ASB6: variants seen among roughly 807,000 people sequenced by gnomAD.
The protein encoded by ASB6 is ankyrin repeat and SOCS box containing 6.
Under a neutral mutation model 28.6 loss-of-function variants are expected in ASB6, and 24 were observed. The ratio of observed to expected loss-of-function variants is 0.84; its 90% CI spans 0.61 to 1.18. ASB6 has a LOEUF of 1.18. ASB6 is among the 50% of genes most tolerant of loss of function. The probability of loss-of-function intolerance (pLI) is 0.00; values close to 1 mark genes in which losing one functional copy is unlikely to be tolerated. For missense variants in ASB6, 519 were observed against 559.8 expected (o/e 0.93, Z 0.74); for synonymous variants, 267 against 243.4 (o/e 1.10, Z -0.90).
intron 2 of ASB6, 78 bp from the exon 3 acceptor site, chr9:129,639,586 C>T: frequency 7.8e-7 from 1 of 1,279,418 alleles, no homozygotes; most frequent in East Asian, 2.5e-5. Flanking sequence ...AGCCCAGCCC[C>T]AAACTCCCAC....
rs148491892 is a variant in ASB6, at chr9:129,635,334, G to A, written c.*2456C>T. The A allele has an allele frequency of 6.2e-7, 1 of 1,613,746 alleles. No individual in the cohort carries two copies. The highest frequency in any genetic ancestry group is 8.5e-7 in the Non-Finnish European group (1 of 1,180,054). On this transcript the variant is annotated 3_prime_UTR_variant, in exon 6 of 6. Coordinates refer to ENST00000277458, the MANE Select transcript of ASB6 (RefSeq NM_017873.4). ...GGCGTGATTCTGGACGACGTGGACA[G>A]CAGCGTGTGCCGGGACCTTGACGTG...
Position 129,634,762 on chromosome 9 carries a change from G to A in ASB6, c.*3028C>T. The stretch of plus-strand genomic sequence containing the variant: ...AGCAGTCGGCCACCTCCTGAGGCGG[G>A]CAGCACAGGCCTGCTGTGGACACTC... On this transcript the variant is annotated 3_prime_UTR_variant, in exon 6 of 6. Coordinates refer to ENST00000277458, the MANE Select transcript of ASB6 (RefSeq NM_017873.4). 1 of 224,552 alleles carries A rather than the reference G, an allele frequency of 4.5e-6. No individual in the cohort carries two copies. The highest frequency in any genetic ancestry group is 8.8e-6 in the Non-Finnish European group (1 of 113,212). 13.9% of individuals were successfully genotyped at this position (224,552 alleles called of 1,614,324 possible). A position where few individuals can be genotyped will look rare whatever the true frequency, so the allele number is the denominator to read the frequency against.
chr9:129,641,583 C>T (rs1296182232), intron 1 of ASB6, among the ~76,000 whole-genome samples: 1 of 152,264 alleles, frequency 6.6e-6, no homozygotes. Flanking sequence ...TTCCACCCTG[C>T]TCCTCTGCCA....
rs774025859 is a variant in ASB6, at chr9:129,641,928, G to A, written c.72C>T (p.Ser24=). 1.2e-6 allele frequency: 2 copies of A among 1,601,832 alleles called. No homozygotes were observed. The highest frequency in any genetic ancestry group is 1.7e-6 in the Non-Finnish European group (2 of 1,175,450). Residue 24 remains serine, a synonymous_variant, in exon 1 of 6, where the codon TCC becomes TCT. Coordinates refer to ENST00000277458, the MANE Select transcript of ASB6 (RefSeq NM_017873.4). ...YQPLVDAILG[S]LGIQDPERQE... ...GCCGCTCGGGGTCCTGGATCCCCAGGGAGCCCAGAATCGCATCCACCAGCG... is the reference window on the plus strand; with the variant it reads ...GCCGCTCGGGGTCCTGGATCCCCAGAGAGCCCAGAATCGCATCCACCAGCG...
In ASB6 at chr9:129,642,057, G is replaced by A. The variant is rs1196252359; in HGVS notation, c.-58C>T. On this transcript the variant is annotated 5_prime_UTR_variant, in exon 1 of 6. Transcript: ENST00000277458. This position sits in a 1 kb window ranked among gnomAD's most constrained non-coding sequence, Gnocchi z 4.3. ...CTTTCTGCCGAGGCCGAGATGCCCA[G>A]ACGCCGACCGGAACGCTCCGGCGGC... The A allele has an allele frequency of 4.0e-6, 6 of 1,510,858 alleles. No homozygotes were observed. The highest frequency in any genetic ancestry group is 2.1e-5 in the Admixed American group (1 of 48,362). 93.6% of individuals were successfully genotyped at this position (1,510,858 alleles called of 1,614,324 possible). A position where few individuals can be genotyped will look rare whatever the true frequency, so the allele number is the denominator to read the frequency against.
intron 1 of ASB6, 80 bp from the exon 2 acceptor site, chr9:129,640,802 T>C (rs1831677868): frequency 1.4e-5 from 22 of 1,526,166 alleles, no homozygotes; most frequent in South Asian, 1.2e-4. Context: ...TGGGCTTTAG[T>C]CCTGCTATCA....
rs1255223792 is a variant in ASB6, at chr9:129,639,286, G to A, written c.427C>T (p.Leu143=). Residue 143 remains leucine (L), a synonymous_variant, in exon 4 of 6, where the codon CTG becomes TTG. Transcript: ENST00000277458. The stretch of plus-strand genomic sequence containing the variant: ...AGGCGCTCAGGCTCCTCGCTGGCCA[G>A]GTCCAAGGGGCTACTCTCGTGGATC... ...DRIHESSPLD[L]ASEEPERLPC... 6.2e-7 allele frequency: 1 copy of A among 1,612,926 alleles called. No individual in the cohort carries two copies. Among genetic ancestry groups the A allele is most frequent in the Non-Finnish European group, 8.5e-7 (1 of 1,179,368 alleles).
chr9:129,635,469 G>A lies in ASB6; in HGVS notation c.*2321C>T, dbSNP rs761847792. On this transcript the variant is annotated 3_prime_UTR_variant, in exon 6 of 6. Transcript: ENST00000277458. ...TATAGCTTTGCCCTGAGATGAGCCG[G>A]GGCTGGCAGGAGAAACTGAGGAACC... 1.2e-6 allele frequency: 2 copies of A among 1,601,942 alleles called. No homozygotes were observed. The highest frequency in any genetic ancestry group is 4.5e-5 in the East Asian group (2 of 44,562).
rs756379197 is a variant in ASB6, at chr9:129,638,526, C to A, written c.598+47G>T. ...ACCCTGGCAAAGCAACAGCACACAT[C>A]GAAGGGGCGGGTGAGAGGACGAGGC... On this transcript the variant is annotated intron_variant, in intron 5 of 5. Coordinates refer to ENST00000277458, the MANE Select transcript of ASB6 (RefSeq NM_017873.4). 4.3e-6 allele frequency: 7 copies of A among 1,611,258 alleles called. No individual in the cohort carries two copies. The East Asian group carries it at 1.6e-4, about 36-fold the overall frequency.
intron 2 of ASB6, among the ~76,000 whole-genome samples, 195 bp from the exon 3 acceptor site, chr9:129,639,703 G>A (rs780724842): frequency 2.6e-5 from 4 of 152,218 alleles, no homozygotes; most frequent in East Asian, 1.9e-4. Flanking sequence ...TAGTGGGCAC[G>A]CTACTGAAGC....
chr9:129,641,140 G>A, intron 1 of ASB6: 1 of 204,662 alleles, frequency 4.9e-6, no homozygotes, highest in Non-Finnish European at 9.9e-6. Context: ...CTGCAGCCAG[G>A]ACAGCAACAC....
At position 129,635,537 on chromosome 9, in the gene ASB6, C is replaced by A. The variant is rs78602607; in HGVS notation, c.*2253G>T. 2 of 1,525,550 alleles carry A rather than the reference C, an allele frequency of 1.3e-6. No homozygotes were observed. The highest frequency in any genetic ancestry group is 1.2e-5 in the South Asian group (1 of 81,208). The allele number at this position is 1,525,550 out of a possible 1,614,324, so 94.5% of individuals were successfully genotyped here. ...AGCTGGCAGCTGGGCAAGATCCAGG[C>A]GCCACGCTGGCGGTTCGTGAGTGTC... On this transcript the variant is annotated 3_prime_UTR_variant, in exon 6 of 6. Transcript: ENST00000277458.
chr9:129,642,023 G>A lies in ASB6; in HGVS notation c.-24C>T. On this transcript the variant is annotated 5_prime_UTR_variant, in exon 1 of 6. Transcript: ENST00000277458. This position sits in a 1 kb window ranked among gnomAD's most constrained non-coding sequence, Gnocchi z 4.3. Reference sequence around the variant, plus strand: ...ATCGCCGCGGGCCCCGCGCAGCAGGGCCGTCGCGCTTTCTGCCGAGGCCGA... The same window carrying A: ...ATCGCCGCGGGCCCCGCGCAGCAGGACCGTCGCGCTTTCTGCCGAGGCCGA... The A allele has an allele frequency of 1.3e-6, 2 of 1,581,970 alleles. No homozygotes were observed. Among genetic ancestry groups the A allele is most frequent in the Non-Finnish European group, 1.7e-6 (2 of 1,164,656 alleles).
At position 129,638,308 on chromosome 9, in the gene ASB6, C is replaced by T. The variant is rs371606184; in HGVS notation, c.748G>A (p.Gly250Arg). The change falls in exon 6 of 6, where the codon GGG becomes AGG. Residue 250 changes from glycine (G) to arginine (R), a missense_variant. Gly to Arg is a moderately radical substitution (Grantham distance 125). Transcript: ENST00000277458. The part of the protein sequence containing the change: ...FQVTRLLLAH[G>R]ADPSECPAHE... ...GCTGGGCACTCGCTGGGGTCGGCCC[C>T]GTGTGCCAGCAGCAGCCGTGTGACT... The T allele has an allele frequency of 4.6e-5, 74 of 1,612,718 alleles. No individual in the cohort carries two copies. The highest frequency in any genetic ancestry group is 5.8e-5 in the Non-Finnish European group (68 of 1,180,050).
intron 1 of ASB6, among the ~76,000 whole-genome samples, chr9:129,641,670 C>CGCCCTTGG (rs1831704194): frequency 6.6e-6 from 1 of 150,952 alleles, no homozygotes; most frequent in Non-Finnish European, 1.5e-5. Flanking sequence ...CGCGGGCCTC[C>CGCCCTTGG]GCCCTCGGGC....
rs1440004005 is a variant in ASB6 at position 129,635,511 on chromosome 9, G to A, written c.*2279C>T. ...TGAGGAACCACAGTCCTGGTGGGGG[G>A]AGCTGGCAGCTGGGCAAGATCCAGG... On this transcript the variant is annotated 3_prime_UTR_variant, in exon 6 of 6. Coordinates refer to ENST00000277458, the MANE Select transcript of ASB6 (RefSeq NM_017873.4). 1.3e-6 allele frequency: 2 copies of A among 1,574,334 alleles called. No homozygotes were observed. Among genetic ancestry groups the A allele is most frequent in the South Asian group, 2.3e-5 (2 of 86,202 alleles).
At chr9:129,640,859 G>T in intron 1 of ASB6, 137 bp from the exon 2 acceptor site, 1 of 1,065,876 alleles carries the variant, frequency 9.4e-7, no homozygotes, top group Non-Finnish European at 1.4e-6. Context: ...GGGGCTTGGG[G>T]GAAGCTCTGA....
Position 129,634,649 on chromosome 9 carries a change from C to G in ASB6, c.*3141G>C. 3.9e-6 allele frequency: 1 copy of G among 258,016 alleles called. No homozygotes were observed. Among genetic ancestry groups the G allele is most frequent in the Non-Finnish European group, 7.4e-6 (1 of 134,596 alleles). The allele number at this position is 258,016 out of a possible 1,614,324, so 16.0% of individuals were successfully genotyped here. A position where few individuals can be genotyped will look rare whatever the true frequency, so the allele number is the denominator to read the frequency against. ...TTTTTAATAAGATGAATAGTTTAAGCTTCGTGTCTAGCCCTGCACCCTCTT... is the reference window on the plus strand; with the variant it reads ...TTTTTAATAAGATGAATAGTTTAAGGTTCGTGTCTAGCCCTGCACCCTCTT... On this transcript the variant is annotated 3_prime_UTR_variant, in exon 6 of 6. Transcript: ENST00000277458.
chr9:129,635,658 C>A lies in ASB6; in HGVS notation c.*2132G>T. On this transcript the variant is annotated 3_prime_UTR_variant, in exon 6 of 6. Coordinates refer to ENST00000277458, the MANE Select transcript of ASB6 (RefSeq NM_017873.4). ...ACCCGGCGGGGAGGGTGCTGCTGAACCAGCGGTGAGGCAGGAGCCCAGACC... is the reference window on the plus strand; with the variant it reads ...ACCCGGCGGGGAGGGTGCTGCTGAAACAGCGGTGAGGCAGGAGCCCAGACC... The A allele has an allele frequency of 1.5e-6, 1 of 681,398 alleles. No homozygotes were observed. The highest frequency in any genetic ancestry group is 1.9e-5 in the South Asian group (1 of 53,196). 42.2% of individuals were successfully genotyped at this position (681,398 alleles called of 1,614,324 possible).
Sources: gnomAD v4.1 joint callset for allele counts (sites outside exome capture counted in the v4.1 genomes callset) on GRCh38, gnomAD v4.1.1 for gene constraint, Gnocchi (gnomAD v3.1) non-coding constraint, MANE v1.5 for transcripts, NCBI Gene and HGNC (gene_info 2026-07-23, HGNC 2026-07-21) for gene names.